XYLT2: variants seen among roughly 807,000 people sequenced by gnomAD.
XYLT2 encodes the protein UDP-D-xylose:proteoglycan core protein beta-D-xylosyltransferase.
A neutral mutation model predicts 82.6 loss-of-function variants in XYLT2; 37 were observed. The ratio of observed to expected loss-of-function variants is 0.45; its 90% CI spans 0.34 to 0.59. XYLT2 has a LOEUF of 0.59. Ranked by LOEUF, XYLT2 falls within the 20% of genes least tolerant of loss-of-function variation. The pLI is 0.01. For synonymous variants in XYLT2, 474 were observed against 499.0 expected (o/e 0.95, Z 0.67); for missense variants, 934 against 1,181.3 (o/e 0.79, Z 3.07).
At position 50,360,927 on chromosome 17, in the gene XYLT2, G is replaced by A. The variant is rs575202192; in HGVS notation, c.*636G>A. ...GGGGACCCTAGAAGTGGGGTGGGGC[G>A]GCTCCAGGGCTTTCCAGCATACCCT... On this transcript the variant is annotated 3_prime_UTR_variant, in exon 11 of 11. Coordinates refer to ENST00000017003, the MANE Select transcript of XYLT2 (RefSeq NM_022167.4). 6.7e-4 allele frequency: 660 copies of A among 985,898 alleles called. 1 individual carries two copies. The highest frequency in any genetic ancestry group is 9.2e-4 in the Admixed American group (15 of 16,290). 61.1% of individuals were successfully genotyped at this position (985,898 alleles called of 1,614,324 possible).
In XYLT2 at chr17:50,357,266, C is replaced by A; in HGVS notation, c.1941+14C>A. The A allele has an allele frequency of 6.4e-7, 1 of 1,559,770 alleles. No individual in the cohort carries two copies. The highest frequency in any genetic ancestry group is 2.3e-5 in the East Asian group (1 of 43,542). ...CAGAGTCTGGAGGTGGGACAGGTCC[C>A]CCACTTGCTTTCTCCCAACCCCCAC... is the stretch of plus-strand genomic sequence containing the variant. On this transcript the variant is annotated intron_variant, in intron 9 of 10. Coordinates refer to ENST00000017003, the MANE Select transcript of XYLT2 (RefSeq NM_022167.4).
Position 50,346,217 on chromosome 17 carries a change from TG to T in XYLT2, c.78del (p.Leu27CysfsTer5). The part of the protein sequence containing the change: ...LAIATALAIL[L>X]LQGLVVWSFS... ...ATTGCCACGGCGCTGGCCATCCTGCTGCTGCAGGGCCTGGTAGTGTGGAGCT... is the reference window on the plus strand; with the variant it reads ...ATTGCCACGGCGCTGGCCATCCTGCTCTGCAGGGCCTGGTAGTGTGGAGCT... On this transcript the variant is annotated frameshift_variant, in exon 1 of 11. Transcript: ENST00000017003. LOFTEE classifies it high-confidence loss of function. The surrounding 1 kb of genome is among the most constrained non-coding windows in gnomAD (Gnocchi z 5.1). 1 of 1,283,526 alleles carries T rather than the reference TG, an allele frequency of 7.8e-7. No homozygotes were observed. The highest frequency in any genetic ancestry group is 1.0e-6 in the Non-Finnish European group (1 of 988,254). The allele number at this position is 1,283,526 out of a possible 1,614,324, so 79.5% of individuals were successfully genotyped here.
Position 50,346,624 on chromosome 17 carries a change from G to A in XYLT2, c.135+349G>A, listed in dbSNP as rs1598346200. The A allele has an allele frequency of 4.1e-6, 4 of 985,362 alleles. No homozygotes were observed. The highest frequency in any genetic ancestry group is 4.8e-6 in the Non-Finnish European group (4 of 829,846). 61.0% of individuals were successfully genotyped at this position (985,362 alleles called of 1,614,324 possible). ...GGGGCTGGGCCCGAACCTGCTCGGA[G>A]GTGGGGAGCCCCAGGCCAAACTTTC... is the stretch of plus-strand genomic sequence containing the variant. On this transcript the variant is annotated intron_variant, in intron 1 of 10. Transcript: ENST00000017003. This position sits in a 1 kb window ranked among gnomAD's most constrained non-coding sequence, Gnocchi z 5.1.
Position 50,355,762 on chromosome 17 carries a change from G to C in XYLT2, c.1089-19G>C. 1 of 1,613,608 alleles carries C rather than the reference G, an allele frequency of 6.2e-7. No individual in the cohort carries two copies. Among genetic ancestry groups the C allele is most frequent in the Non-Finnish European group, 8.5e-7 (1 of 1,179,764 alleles). On this transcript the variant is annotated intron_variant, in intron 5 of 10. Coordinates refer to ENST00000017003, the MANE Select transcript of XYLT2 (RefSeq NM_022167.4). Reference sequence around the variant, plus strand: ...CCACCCTGCAGGATCCCCAGCCATGGCCTCTCTGCTGCCCACAGGTTCATC... The same window carrying C: ...CCACCCTGCAGGATCCCCAGCCATGCCCTCTCTGCTGCCCACAGGTTCATC...
At chr17:50,358,154 A>T in intron 9 of XYLT2, 53 bp from the exon 10 acceptor site, 1 of 1,462,180 alleles carries the variant, frequency 6.8e-7, no homozygotes, top group South Asian at 1.3e-5. Flanking sequence ...GCTTCAGAGG[A>T]GGGAGAAGGA....
At chr17:50,349,324 T>C (rs185168691) in intron 1 of XYLT2, among the ~76,000 whole-genome samples, 7 of 152,262 alleles carry the variant, frequency 4.6e-5, no homozygotes, top group South Asian at 2.1e-4. Flanking sequence ...TGCATTTACC[T>C]TTCCTAGGGA....
chr17:50,358,401 G>T lies in XYLT2; in HGVS notation c.2136G>T (p.Thr712=), dbSNP rs148916031. The part of the protein sequence containing the change: ...DITVDTETEV[T]QYKPPLSRPL... ...CAGTAGATACGGAGACTGAGGTCAC[G>T]CAATACAAGCCCCCACTGAGCCGGC... The change falls in exon 10 of 11, where the codon ACG becomes ACT. Residue 712 remains threonine (T), a synonymous_variant. Coordinates refer to ENST00000017003, the MANE Select transcript of XYLT2 (RefSeq NM_022167.4). The T allele has an allele frequency of 6.2e-7, 1 of 1,614,112 alleles. No individual in the cohort carries two copies. The highest frequency in any genetic ancestry group is 8.5e-7 in the Non-Finnish European group (1 of 1,180,056).
chr17:50,352,067 AGTG>A, intron 1 of XYLT2, among the ~76,000 whole-genome samples: 1 of 152,306 alleles, frequency 6.6e-6, no homozygotes, highest in African/African-American at 2.4e-5. Context: ...AGCAAGACAG[AGTG>A]GTCCATTAAG....
Position 50,353,706 on chromosome 17 carries a change from G to A in XYLT2, c.212G>A (p.Arg71Gln), listed in dbSNP as rs763473385. Residue 71 changes from arginine to glutamine, a missense_variant, in exon 2 of 11, where the codon CGG becomes CAG. Around this residue, in one of 3 missense-constraint regions of XYLT2, gnomAD observed 371 missense variants for 394.9 expected, o/e 0.94. Transcript: ENST00000017003. ...SKDTDSSAGR[R>Q]GSTGRRHGRW... ...GACACAGACAGTTCAGCAGGGCGACGGGGCAGCACAGGCAGAAGGCATGGG... is the reference window on the plus strand; with the variant it reads ...GACACAGACAGTTCAGCAGGGCGACAGGGCAGCACAGGCAGAAGGCATGGG... 2.4e-5 allele frequency: 37 copies of A among 1,561,574 alleles called. No homozygotes were observed. Among genetic ancestry groups the A allele is most frequent in the Non-Finnish European group, 3.0e-5 (34 of 1,152,278 alleles).
intron 1 of XYLT2, among the ~76,000 whole-genome samples, chr17:50,352,044 G>A (rs1327869138): frequency 2.0e-5 from 3 of 152,200 alleles, no homozygotes; most frequent in Non-Finnish European, 1.5e-5. Flanking sequence ...AAGCAAATGC[G>A]GAGGGTGCTT....
At position 50,358,485 on chromosome 17, in the gene XYLT2, G is replaced by A. The variant is rs781449669; in HGVS notation, c.2220G>A (p.Glu740=). The stretch of plus-strand genomic sequence containing the variant: ...TTCAGTTCTGGGAACCGCTGGGTGA[G>A]ACCCGCTTCCTTGTGCTGCCCTTGA... The part of the protein sequence containing the change: ...RLLQFWEPLG[E]TRFLVLPLTF... The change falls in exon 10 of 11, where the codon GAG becomes GAA. Residue 740 remains glutamate (E), a synonymous_variant. Coordinates refer to ENST00000017003, the MANE Select transcript of XYLT2 (RefSeq NM_022167.4). 1 of 1,614,158 alleles carries A rather than the reference G, an allele frequency of 6.2e-7. No homozygotes were observed. Among genetic ancestry groups the A allele is most frequent in the Non-Finnish European group, 8.5e-7 (1 of 1,180,010 alleles).
chr17:50,354,740 G>A, intron 3 of XYLT2, 114 bp from the exon 4 acceptor site: 2 of 1,545,864 alleles, frequency 1.3e-6, no homozygotes, highest in Non-Finnish European at 1.8e-6. Context: ...AGCCGCTTAG[G>A]GGCTGGAGCC....
At chr17:50,354,256 GTACT>G in intron 2 of XYLT2, 134 bp downstream of exon 2, 1 of 1,509,628 alleles carries the variant, frequency 6.6e-7, no homozygotes, top group East Asian at 2.4e-5. Context: ...TTCATCCAGT[GTACT>G]TACTAAGTGG....
intron 1 of XYLT2, 142 bp from the exon 2 acceptor site, chr17:50,353,488 A>C: frequency 7.6e-7 from 1 of 1,307,460 alleles, no homozygotes; most frequent in Non-Finnish European, 1.0e-6. Context: ...GATTGTGCGG[A>C]GTCCTTAGGT....
At chr17:50,347,238 G>GC (rs1251057554) in intron 1 of XYLT2, among the ~76,000 whole-genome samples, 10 of 152,162 alleles carry the variant, frequency 6.6e-5, no homozygotes, top group Non-Finnish European at 1.5e-4. Context: ...TGCCCCCAGC[G>GC]CCCCTGTTCT....
At position 50,353,869 on chromosome 17, in the gene XYLT2, G is replaced by C; in HGVS notation, c.375G>C (p.Gly125=). The change falls in exon 2 of 11, where the codon GGG becomes GGC. Residue 125 remains glycine, a synonymous_variant. Coordinates refer to ENST00000017003, the MANE Select transcript of XYLT2 (RefSeq NM_022167.4). ...PEAPGRQNLS[G]AAAGEALVGA... is the part of the protein sequence containing the mutation. ...CCCCAGGCCGCCAGAACCTGAGTGG[G>C]GCAGCAGCTGGGGAGGCGCTGGTAG... is the stretch of plus-strand genomic sequence containing the variant. 6.2e-7 allele frequency: 1 copy of C among 1,608,770 alleles called. No individual in the cohort carries two copies.
rs763535098 is a variant in XYLT2 at position 50,354,884 on chromosome 17, G to A, written c.835G>A (p.Glu279Lys). The A allele has an allele frequency of 1.2e-6, 2 of 1,613,168 alleles. No homozygotes were observed. Among genetic ancestry groups the A allele is most frequent in the Non-Finnish European group, 8.5e-7 (1 of 1,179,650 alleles). ...RSDYLHREVV[E>K]LAQGYDNVRV... is the part of the protein sequence containing the mutation. ...CGACTACCTGCACCGGGAGGTGGTG[G>A]AGCTGGCCCAGGGCTATGATAACGT... Residue 279 changes from glutamate to lysine, a missense_variant, in exon 4 of 11, where the codon GAG becomes AAG. Physicochemically the swap from Glu to Lys is moderately conservative, Grantham distance 56. Around this residue, in one of 3 missense-constraint regions of XYLT2, gnomAD observed 371 missense variants for 394.9 expected, o/e 0.94. Coordinates refer to ENST00000017003, the MANE Select transcript of XYLT2 (RefSeq NM_022167.4).
At chr17:50,350,709 TATAA>T (rs1316267598) in intron 1 of XYLT2, among the ~76,000 whole-genome samples, 1 of 151,642 alleles carries the variant, frequency 6.6e-6, no homozygotes, top group Non-Finnish European at 1.5e-5. Flanking sequence ...AAAAAAACAG[TATAA>T]ATAAATAGTA....
rs755547477 is a variant in XYLT2 at position 50,357,214 on chromosome 17, G to A, written c.1903G>A (p.Gly635Arg). The A allele has an allele frequency of 1.1e-5, 18 of 1,608,568 alleles. No homozygotes were observed. Among genetic ancestry groups the A allele is most frequent in the Non-Finnish European group, 1.5e-5 (18 of 1,179,222 alleles). The change falls in exon 9 of 11, where the codon GGG (glycine) becomes AGG (arginine). Residue 635 changes from glycine (G) to arginine (R), a missense_variant. Transcript: ENST00000017003. ...LMPQGSLKLL[G>R]RSDQASRLQS... ...GCCCCAAGGGTCGCTGAAGCTGTTG[G>A]GGCGCAGTGACCAGGCCAGCCGGCT...
Sources: gnomAD v4.1 joint callset for allele counts (sites outside exome capture counted in the v4.1 genomes callset) on GRCh38, gnomAD v4.1.1 for gene constraint, gnomAD v4.1.1 regional missense constraint, Gnocchi (gnomAD v3.1) non-coding constraint, MANE v1.5 for transcripts, NCBI Gene and HGNC (gene_info 2026-07-23, HGNC 2026-07-21) for gene names.